Variants in GRM8 observed in about 807,000 individuals in gnomAD.
The protein encoded by GRM8 is metabotropic glutamate receptor 8.
In GRM8, 47 loss-of-function variants were observed where a neutral mutation model predicts 87.2. The observed-to-expected ratio is 0.54, with a 90% CI of 0.43 to 0.69. The LOEUF (loss-of-function observed/expected upper bound fraction) is 0.69. GRM8 is among the 30% of genes least tolerant of loss of function. The probability of loss-of-function intolerance (pLI) is 0.00; values close to 1 mark genes in which losing one functional copy is unlikely to be tolerated. For missense variants in GRM8, 1,019 were observed against 1,139.2 expected (o/e 0.89, Z 1.52); for synonymous variants, 396 against 404.5 (o/e 0.98, Z 0.25).
intron 8 of GRM8, among the ~76,000 whole-genome samples, chr7:126,592,375 A>G (rs1796759471): frequency 6.6e-6 from 1 of 151,994 alleles, no homozygotes; most frequent in African/African-American, 2.4e-5. Flanking sequence ...GATGTAAAAC[A>G]TCTTCAACAA....
chr7:126,976,898 A>G (rs1305936346), intron 3 of GRM8, among the ~76,000 whole-genome samples: 1 of 120,242 alleles, frequency 8.3e-6, no homozygotes, highest in African/African-American at 3.3e-5. Context: ...TTTTATTTTC[A>G]TTATTTTTTT....
Position 127,117,102 on chromosome 7 carries a change from T to TTACTTATAA in GRM8, c.511-10399_511-10391dup, listed in dbSNP as rs1171232215. On this transcript the variant is annotated intron_variant, in intron 2 of 10. Transcript: ENST00000339582. ...GAAAAAAAATAAATGTATACTTATA[T>TTACTTATAA]TACTTATAAGCTCTAATATTTGTTT... Among the ~76,000 whole-genome samples, 4 of 152,328 alleles carry TTACTTATAA rather than the reference T, an allele frequency of 2.6e-5. No homozygotes were observed. In the East Asian group the frequency reaches 7.7e-4, roughly 29 times the overall value.
intron 7 of GRM8, among the ~76,000 whole-genome samples, chr7:126,623,811 C>T (rs979880872): frequency 4.6e-5 from 7 of 152,186 alleles, no homozygotes; most frequent in African/African-American, 1.7e-4. Context: ...GGCATGGTGG[C>T]ATACACCTGT....
intron 3 of GRM8, among the ~76,000 whole-genome samples, chr7:127,095,468 G>C (rs949501106): frequency 2.0e-5 from 3 of 152,286 alleles, no homozygotes; most frequent in Middle Eastern, 3.4e-3. Flanking sequence ...ATACATGACA[G>C]TAATCATCAA....
intron 3 of GRM8, among the ~76,000 whole-genome samples, chr7:126,964,013 A>ACAT (rs1809585731): frequency 6.6e-6 from 1 of 152,164 alleles, no homozygotes; most frequent in Non-Finnish European, 1.5e-5. Flanking sequence ...ATAACACCAA[A>ACAT]CATCTACGAC....
At chr7:127,124,244 C>T (rs953174533) in intron 2 of GRM8, among the ~76,000 whole-genome samples, 10 of 152,266 alleles carry the variant, frequency 6.6e-5, no homozygotes, top group Non-Finnish European at 1.3e-4. Flanking sequence ...CACTTTTCAG[C>T]ATTGAGACCG....
intron 2 of GRM8, among the ~76,000 whole-genome samples, chr7:127,148,177 G>C (rs938347280): frequency 1.3e-5 from 2 of 151,978 alleles, no homozygotes. Context: ...GGGTGCAACA[G>C]AGTCGATTCA....
chr7:126,901,688 A>G (rs1387400138), intron 6 of GRM8, among the ~76,000 whole-genome samples: 1 of 152,248 alleles, frequency 6.6e-6, no homozygotes, highest in Non-Finnish European at 1.5e-5. Flanking sequence ...GCAGGGTAGA[A>G]GAAGGAATGA....
intron 6 of GRM8, among the ~76,000 whole-genome samples, chr7:126,790,279 A>G (rs575127116): frequency 6.6e-6 from 1 of 152,328 alleles, no homozygotes; most frequent in Admixed American, 6.5e-5. Flanking sequence ...AAGTGCTGGA[A>G]TTACAGGCAT....
At chr7:126,829,833 G>A (rs576002211) in intron 6 of GRM8, among the ~76,000 whole-genome samples, 6 of 152,148 alleles carry the variant, frequency 3.9e-5, no homozygotes, top group African/African-American at 1.4e-4. Context: ...TTTTGCAGCG[G>A]CTGGTACCGG....
chr7:126,772,205 C>G (rs985422593), intron 6 of GRM8, among the ~76,000 whole-genome samples: 1 of 152,088 alleles, frequency 6.6e-6, no homozygotes, highest in African/African-American at 2.4e-5. Context: ...TTCTCAGGAC[C>G]TAGGACCAAA....
chr7:127,089,181 TAAC>T (rs1264537618), intron 3 of GRM8, among the ~76,000 whole-genome samples: 1 of 151,874 alleles, frequency 6.6e-6, no homozygotes, highest in African/African-American at 2.4e-5. Context: ...AAGGAGAAAA[TAAC>T]AAATACACAG....
At chr7:127,188,545 A>G (rs1268678968) in intron 2 of GRM8, among the ~76,000 whole-genome samples, 1 of 152,178 alleles carries the variant, frequency 6.6e-6, no homozygotes, top group Non-Finnish European at 1.5e-5. Context: ...ACCATCTTCA[A>G]TGAATGGACT....
At chr7:126,825,638 C>A (rs1195865019) in intron 6 of GRM8, among the ~76,000 whole-genome samples, 4 of 151,780 alleles carry the variant, frequency 2.6e-5, no homozygotes, top group Middle Eastern at 3.4e-3. Flanking sequence ...AGATAACCTA[C>A]CAAGAAAAAA....
intron 2 of GRM8, among the ~76,000 whole-genome samples, chr7:127,202,516 T>A: frequency 6.6e-6 from 1 of 152,286 alleles, no homozygotes; most frequent in South Asian, 2.1e-4. Context: ...TATTTACAAA[T>A]AAATATTGCT....
chr7:126,468,537 C>T (rs1429837525), intron 9 of GRM8, among the ~76,000 whole-genome samples: 1 of 152,042 alleles, frequency 6.6e-6, no homozygotes, highest in Non-Finnish European at 1.5e-5. Context: ...CCTACAATTT[C>T]CTGTGATACT....
intron 8 of GRM8, among the ~76,000 whole-genome samples, chr7:126,605,454 T>C (rs1030974090): frequency 2.0e-5 from 3 of 152,158 alleles, no homozygotes; most frequent in African/African-American, 7.2e-5. Flanking sequence ...GATAATGCTT[T>C]TGAGGAAATG....
Position 126,594,235 on chromosome 7 carries a change from G to A in GRM8, c.1494+15127C>T, listed in dbSNP as rs117541066. On this transcript the variant is annotated intron_variant, in intron 8 of 10. Coordinates refer to ENST00000339582, the MANE Select transcript of GRM8 (RefSeq NM_000845.3). ...CATATGATCTGGCCATCTCCTACTC[G>A]ATATATATCCAGGGGAAGTGAAATC... 7.2e-3 allele frequency among the ~76,000 whole-genome samples: 1,101 copies of A among 152,082 alleles called. 7 individuals are homozygous for A. The highest frequency in any genetic ancestry group is 0.01 in the Non-Finnish European group (690 of 67,922).
intron 2 of GRM8, among the ~76,000 whole-genome samples, chr7:127,192,176 A>G (rs1466532601): frequency 6.6e-6 from 1 of 152,260 alleles, no homozygotes; most frequent in Non-Finnish European, 1.5e-5. Flanking sequence ...ATATATGTGA[A>G]ATACCTTTTC....
Sources: gnomAD v4.1 joint callset for allele counts (sites outside exome capture counted in the v4.1 genomes callset) on GRCh38, gnomAD v4.1.1 for gene constraint, MANE v1.5 for transcripts, NCBI Gene and HGNC (gene_info 2026-07-23, HGNC 2026-07-21) for gene names.